Variants in FSTL1 observed in about 807,000 individuals in gnomAD.
FSTL1 encodes the protein follistatin-related protein 1.
Under a neutral mutation model 45.9 loss-of-function variants are expected in FSTL1, and 24 were observed. That is an observed-to-expected ratio of 0.52 (90% CI 0.38 to 0.74). The LOEUF is 0.74. Among genes scored for constraint, FSTL1 ranks in the 30% least tolerant of loss-of-function variants. The pLI is 0.00. For synonymous variants in FSTL1, 120 were observed against 137.6 expected (o/e 0.87, Z 0.89); for missense variants, 340 against 381.8 (o/e 0.89, Z 0.91).
intron 2 of FSTL1, among the ~76,000 whole-genome samples, chr3:120,435,725 T>C (rs1308842198): frequency 1.3e-5 from 2 of 152,168 alleles, no homozygotes; most frequent in Non-Finnish European, 2.9e-5. Flanking sequence ...AGTCTTTACA[T>C]TCCAGGCCAC....
intron 2 of FSTL1, chr3:120,419,345 CAG>C (rs1184118589): frequency 2.0e-5 from 3 of 152,204 alleles, no homozygotes; most frequent in East Asian, 1.9e-4. Context: ...AAATTTTCTC[CAG>C]AGAGATAGGC....
intron 2 of FSTL1, among the ~76,000 whole-genome samples, chr3:120,430,911 T>C (rs1937465683): frequency 6.6e-6 from 1 of 152,244 alleles, no homozygotes; most frequent in Non-Finnish European, 1.5e-5. Flanking sequence ...GACAACTGTC[T>C]AGAGCAGTGC....
intron 2 of FSTL1, among the ~76,000 whole-genome samples, chr3:120,417,192 C>A (rs771589807): frequency 6.6e-6 from 1 of 152,186 alleles, no homozygotes; most frequent in African/African-American, 2.4e-5. Context: ...ACCCTCCAGG[C>A]CATGTCTACC....
intron 3 of FSTL1, among the ~76,000 whole-genome samples, chr3:120,414,429 G>A (rs1441576451): frequency 2.4e-4 from 34 of 144,354 alleles, no homozygotes; most frequent in Middle Eastern, 3.9e-3. Context: ...GCCTCTGCCC[G>A]GCCGCCCCTA....
chr3:120,413,426 G>A (rs559348069), intron 3 of FSTL1, among the ~76,000 whole-genome samples: 1 of 152,200 alleles, frequency 6.6e-6, no homozygotes, highest in South Asian at 2.1e-4. Context: ...ACAATTTTTA[G>A]GATCAGGTTT....
At chr3:120,423,126 A>G (rs1222888543) in intron 2 of FSTL1, 22 of 152,332 alleles carry the variant, frequency 1.4e-4, no homozygotes, top group Admixed American at 1.4e-3. Flanking sequence ...TTCAAATTTC[A>G]AATGGGACAG....
chr3:120,411,524 A>G (rs1477173156), intron 4 of FSTL1, among the ~76,000 whole-genome samples: 1 of 152,262 alleles, frequency 6.6e-6, no homozygotes, highest in Non-Finnish European at 1.5e-5. Flanking sequence ...CTACTTTCTA[A>G]AAAGGTACAT....
intron 10 of FSTL1, among the ~76,000 whole-genome samples, chr3:120,397,980 T>C (rs1290144199): frequency 6.6e-6 from 1 of 152,144 alleles, no homozygotes; most frequent in African/African-American, 2.4e-5. Flanking sequence ...GAAAACATTA[T>C]GCTAAGTCAA....
rs111980425 is a variant in FSTL1 at position 120,437,627 on chromosome 3, G to GCA, written c.63+13055_63+13056dup. On this transcript the variant is annotated intron_variant, in intron 2 of 10. Coordinates refer to ENST00000295633, the MANE Select transcript of FSTL1 (RefSeq NM_007085.5). ...TGTATGTACACAGACACATATCCAT[G>GCA]CACACACACACACACACATATAGTC... Among the ~76,000 whole-genome samples the GCA allele has an allele frequency of 0.039, 5,817 of 149,644 alleles. 482 individuals carry two copies. The East Asian group carries it at 0.4, about 10-fold the overall frequency.
At chr3:120,424,829 C>T (rs1474559958) in intron 2 of FSTL1, among the ~76,000 whole-genome samples, 1 of 151,838 alleles carries the variant, frequency 6.6e-6, no homozygotes, top group Admixed American at 6.6e-5. Context: ...GAAAGGTGTC[C>T]CGTGAGGGTG....
At position 120,411,006 on chromosome 3, in the gene FSTL1, C is replaced by T. The variant is rs376117679; in HGVS notation, c.299-22G>A. On this transcript the variant is annotated intron_variant, in intron 4 of 10. Transcript: ENST00000295633. The stretch of plus-strand genomic sequence containing the variant: ...TTCTCTGCAAGACAAAAAGAGAAAA[C>T]GTGTAATGCGAAGTGAAGGAAAAAA... The T allele has an allele frequency of 8.8e-6, 14 of 1,589,730 alleles. No homozygotes were observed. In the South Asian group the frequency reaches 1.0e-4, roughly 12 times the overall value.
At chr3:120,428,800 C>T (rs943300127) in intron 2 of FSTL1, among the ~76,000 whole-genome samples, 4 of 152,082 alleles carry the variant, frequency 2.6e-5, no homozygotes, top group Admixed American at 2.0e-4. Context: ...TCCTGGGAAT[C>T]TCTGGGGGTA....
At chr3:120,402,954 G>A in intron 8 of FSTL1, 36 bp from the exon 9 acceptor site, 1 of 1,344,470 alleles carries the variant, frequency 7.4e-7, no homozygotes, top group Non-Finnish European at 1.1e-6. Context: ...CAGTTTAGCT[G>A]TGAGGGTGGA....
chr3:120,397,928 A>G (rs1275276910), intron 10 of FSTL1, among the ~76,000 whole-genome samples: 1 of 152,238 alleles, frequency 6.6e-6, no homozygotes, highest in East Asian at 1.9e-4. Context: ...CTCAGCCATA[A>G]ATAGGAAAGA....
intron 5 of FSTL1, 118 bp from the exon 6 acceptor site, chr3:120,409,780 C>T: frequency 1.2e-6 from 1 of 855,230 alleles, no homozygotes; most frequent in East Asian, 2.6e-5. Context: ...CCCAGCAACA[C>T]AGGGAGATAG....
At chr3:120,404,446 T>C (rs1037682840) in intron 7 of FSTL1, among the ~76,000 whole-genome samples, 125 of 152,322 alleles carry the variant, frequency 8.2e-4, no homozygotes, top group African/African-American at 2.9e-4. Context: ...GTTAGGGCAA[T>C]TGACATGAAA....
intron 3 of FSTL1, among the ~76,000 whole-genome samples, chr3:120,414,427 C>A (rs1318301136): frequency 6.6e-6 from 1 of 152,246 alleles, no homozygotes; most frequent in African/African-American, 2.4e-5. Context: ...GCGCCTCTGC[C>A]CGGCCGCCCC....
At chr3:120,405,059 C>A in intron 6 of FSTL1, 88 bp from the exon 7 acceptor site, 1 of 771,654 alleles carries the variant, frequency 1.3e-6, no homozygotes. Context: ...GCCTCTGATT[C>A]ATCTTGTTCT....
chr3:120,435,923 A>T (rs1356000984), intron 2 of FSTL1, among the ~76,000 whole-genome samples: 21 of 152,192 alleles, frequency 1.4e-4, no homozygotes, highest in Admixed American at 1.4e-3. Context: ...AGAGACTTCT[A>T]TTTGATCAAA....
Sources: allele counts gnomAD v4.1 joint callset (sites outside exome capture counted in the v4.1 genomes callset), GRCh38; gene constraint gnomAD v4.1.1; transcripts MANE v1.5; gene names NCBI Gene and HGNC (gene_info 2026-07-23, HGNC 2026-07-21).